Variants in LAMA2 observed in about 807,000 individuals in gnomAD.
LAMA2 encodes the protein laminin subunit alpha-2.
A neutral mutation model predicts 364.8 loss-of-function variants in LAMA2; 269 were observed. The observed-to-expected ratio is 0.74, with a 90% CI of 0.67 to 0.82. The LOEUF (loss-of-function observed/expected upper bound fraction) is 0.82. Ranked by LOEUF, LAMA2 falls within the 40% of genes least tolerant of loss-of-function variation. The pLI, the probability that LAMA2 is intolerant of heterozygous loss-of-function variation, is 0.00. For synonymous variants in LAMA2, 1,379 were observed against 1,370.6 expected (o/e 1.01, Z -0.14); for missense variants, 3,807 against 3,873.2 (o/e 0.98, Z 0.45).
intron 1 of LAMA2, among the ~76,000 whole-genome samples, chr6:128,927,345 T>C (rs1779162386): frequency 6.6e-6 from 1 of 152,234 alleles, no homozygotes; most frequent in African/African-American, 2.4e-5. Flanking sequence ...CCAATATTTC[T>C]ATTTTATATT....
chr6:128,886,653 C>T (rs145290464), intron 1 of LAMA2, among the ~76,000 whole-genome samples: 126 of 152,230 alleles, frequency 8.3e-4, no homozygotes, highest in African/African-American at 2.9e-3. Flanking sequence ...TAAGGACTGT[C>T]CTCAAATTTT....
intron 1 of LAMA2, among the ~76,000 whole-genome samples, chr6:128,895,578 G>C (rs1263848832): frequency 6.6e-6 from 1 of 152,062 alleles, no homozygotes; most frequent in Non-Finnish European, 1.5e-5. Flanking sequence ...AATCCGGGAG[G>C]AGGAGCTTGC....
intron 12 of LAMA2, among the ~76,000 whole-genome samples, chr6:129,244,647 G>T (rs993712686): frequency 2.0e-5 from 3 of 151,902 alleles, no homozygotes; most frequent in Admixed American, 2.0e-4. Flanking sequence ...TCATGAAAAG[G>T]ATTTCCTCTC....
chr6:129,512,681 C>T lies in LAMA2; in HGVS notation c.8988+188C>T, dbSNP rs114928990. Among the ~76,000 whole-genome samples, 252 of 152,182 alleles carry T rather than the reference C, an allele frequency of 1.7e-3. 1 individual carries two copies. The highest frequency in any genetic ancestry group is 5.9e-3 in the African/African-American group (243 of 41,530). Reference sequence around the variant, plus strand: ...TGTATGTTTTCAGCATGTTGTAGGCCAGTATAAATTTTAAATGCATTAATT... The same window carrying T: ...TGTATGTTTTCAGCATGTTGTAGGCTAGTATAAATTTTAAATGCATTAATT... On this transcript the variant is annotated intron_variant, in intron 63 of 64. Transcript: ENST00000421865.
chr6:129,486,431 A>G, intron 55 of LAMA2, 43 bp from the exon 56 acceptor site: 1 of 1,600,598 alleles, frequency 6.2e-7, no homozygotes, highest in Non-Finnish European at 8.6e-7. Flanking sequence ...TAAGCCATAA[A>G]TGAGACTTCT....
chr6:128,950,467 T>C (rs990367632), intron 1 of LAMA2, among the ~76,000 whole-genome samples: 1 of 152,146 alleles, frequency 6.6e-6, no homozygotes, highest in Non-Finnish European at 1.5e-5. Flanking sequence ...TTGAGTATCA[T>C]AATATTTCTC....
At chr6:129,011,566 A>G (rs574756070) in intron 1 of LAMA2, among the ~76,000 whole-genome samples, 3 of 152,298 alleles carry the variant, frequency 2.0e-5, no homozygotes, top group African/African-American at 7.2e-5. Flanking sequence ...CTCTGTGCCC[A>G]GGTGGCTCGT....
intron 1 of LAMA2, among the ~76,000 whole-genome samples, chr6:128,993,524 A>G (rs1783736162): frequency 6.6e-6 from 1 of 152,230 alleles, no homozygotes; most frequent in Admixed American, 6.5e-5. Flanking sequence ...TTCTCAGTAT[A>G]TACATGAAAG....
intron 47 of LAMA2, among the ~76,000 whole-genome samples, chr6:129,455,872 A>G (rs999717147): frequency 6.6e-6 from 1 of 152,206 alleles, no homozygotes; most frequent in Admixed American, 6.5e-5. Flanking sequence ...GAAATCATGC[A>G]GCTTATGATA....
chr6:129,248,929 C>T lies in LAMA2; in HGVS notation c.1783-1183C>T, dbSNP rs565391198. Among the ~76,000 whole-genome samples the T allele has an allele frequency of 2.0e-5, 3 of 152,262 alleles. No homozygotes were observed. The East Asian group carries it at 5.8e-4, about 29-fold the overall frequency. ...ATTTATTATTTTATATGTGAAAAGA[C>T]ATTCGAATAAGGCCATTTCTCAGTG... is the stretch of plus-strand genomic sequence containing the variant. On this transcript the variant is annotated intron_variant, in intron 12 of 64. Transcript: ENST00000421865.
chr6:129,210,532 G>A (rs1276887095), intron 12 of LAMA2, among the ~76,000 whole-genome samples: 3 of 152,152 alleles, frequency 2.0e-5, no homozygotes, highest in African/African-American at 7.2e-5. Context: ...GGGAGAGAAA[G>A]GAGACTTGGC....
intron 3 of LAMA2, among the ~76,000 whole-genome samples, chr6:129,087,656 A>C (rs1583018085): frequency 6.6e-6 from 1 of 152,168 alleles, no homozygotes; most frequent in East Asian, 1.9e-4. Flanking sequence ...TTTAAAGATA[A>C]GGATGATGGA....
At position 129,315,760 on chromosome 6, in the gene LAMA2, A is replaced by G. The variant is rs372715292; in HGVS notation, c.3736-2A>G. On this transcript the variant is annotated splice_acceptor_variant, in intron 25 of 64. Transcript: ENST00000421865. LOFTEE classifies it high-confidence loss of function. ...TCCTCATTCTTCTTTTTATTTTGTC[A>G]GTTGATGGCCTATGGGGGCAAACTC... is the stretch of plus-strand genomic sequence containing the variant. 3 of 1,614,044 alleles carry G rather than the reference A, an allele frequency of 1.9e-6. No individual in the cohort carries two copies. The highest frequency in any genetic ancestry group is 4.5e-5 in the East Asian group (2 of 44,884).
At chr6:128,903,400 G>A (rs1421278424) in intron 1 of LAMA2, among the ~76,000 whole-genome samples, 1 of 152,076 alleles carries the variant, frequency 6.6e-6, no homozygotes, top group Non-Finnish European at 1.5e-5. Flanking sequence ...TTTCAATTCT[G>A]TTTTAAAGAA....
At chr6:129,101,191 T>C (rs554335028) in intron 4 of LAMA2, among the ~76,000 whole-genome samples, 4 of 152,202 alleles carry the variant, frequency 2.6e-5, no homozygotes, top group African/African-American at 9.6e-5. Context: ...GAGCAATAAA[T>C]CTCCCCCTGC....
At chr6:129,324,110 A>G (rs1046330527) in intron 28 of LAMA2, among the ~76,000 whole-genome samples, 4 of 152,222 alleles carry the variant, frequency 2.6e-5, no homozygotes, top group Non-Finnish European at 5.9e-5. Context: ...TGTACAGACA[A>G]GTGTTGAGGA....
At chr6:129,238,204 T>G (rs888120586) in intron 12 of LAMA2, among the ~76,000 whole-genome samples, 1 of 151,868 alleles carries the variant, frequency 6.6e-6, no homozygotes, top group African/African-American at 2.4e-5. Context: ...GACAATTATA[T>G]TTTTTTCCAC....
In LAMA2 at chr6:129,316,969, A is replaced by C. The variant is rs142653020; in HGVS notation, c.4058+798A>C. Among the ~76,000 whole-genome samples, 10 of 152,362 alleles carry C rather than the reference A, an allele frequency of 6.6e-5. No homozygotes were observed. The East Asian group carries it at 1.7e-3, about 26-fold the overall frequency. ...AGGAATAACATATTGTCAAAAGTAA[A>C]AAGATGATTGTTTAATTTGAAAGAG... On this transcript the variant is annotated intron_variant, in intron 27 of 64. Coordinates refer to ENST00000421865, the MANE Select transcript of LAMA2 (RefSeq NM_000426.4).
At chr6:129,496,011 C>G (rs961632981) in intron 58 of LAMA2, among the ~76,000 whole-genome samples, 7 of 152,162 alleles carry the variant, frequency 4.6e-5, no homozygotes, top group African/African-American at 1.7e-4. Flanking sequence ...AGCTAGAAGA[C>G]ACCCTAAAGA....
Sources: gnomAD v4.1 joint callset for allele counts (sites outside exome capture counted in the v4.1 genomes callset) on GRCh38, gnomAD v4.1.1 for gene constraint, MANE v1.5 for transcripts, NCBI Gene and HGNC (gene_info 2026-07-23, HGNC 2026-07-21) for gene names.